The following RBFOX1 variants were observed in gnomAD, a reference collection of about 807,000 sequenced individuals.
RBFOX1 encodes RNA binding protein fox-1 homolog 1.
Under a neutral mutation model 57.7 loss-of-function variants are expected in RBFOX1, and 8 were observed. That is an observed-to-expected ratio of 0.14 (90% CI 0.08 to 0.25). The LOEUF (loss-of-function observed/expected upper bound fraction) is 0.25. RBFOX1 is among the 10% of genes least tolerant of loss of function. The pLI is 1.00. For synonymous variants in RBFOX1, 326 were observed against 222.4 expected (o/e 1.47, Z -4.15); for missense variants, 611 against 548.5 (o/e 1.11, Z -1.14).
intron 2 of RBFOX1, among the ~76,000 whole-genome samples, chr16:6,387,709 G>T (rs980680864): frequency 6.6e-6 from 1 of 152,000 alleles, no homozygotes; most frequent in Admixed American, 6.6e-5. Flanking sequence ...TTTGTTTTGA[G>T]GGTGTATAGT....
intron 4 of RBFOX1, among the ~76,000 whole-genome samples, chr16:7,364,199 A>G (rs1017632358): frequency 2.0e-5 from 3 of 152,166 alleles, no homozygotes; most frequent in African/African-American, 7.2e-5. Flanking sequence ...TGTCTGTTAC[A>G]TCAGTACCTT....
At chr16:7,482,380 C>A (rs955631874) in intron 4 of RBFOX1, among the ~76,000 whole-genome samples, 4 of 152,116 alleles carry the variant, frequency 2.6e-5, no homozygotes, top group Non-Finnish European at 5.9e-5. Flanking sequence ...GTCCGCACAG[C>A]TGACAGTGAT....
chr16:5,548,170 A>ATATATATATATATAT (rs1317008346), intron 2 of RBFOX1, among the ~76,000 whole-genome samples: 88 of 40,538 alleles, frequency 2.2e-3, no homozygotes, highest in South Asian at 6.2e-3. Flanking sequence ...AAAAAAAAAA[A>ATATATATATATATAT]AAAAATATAT....
chr16:5,861,606 A>G (rs139204555), intron 3 of RBFOX1, among the ~76,000 whole-genome samples: 2 of 152,306 alleles, frequency 1.3e-5, no homozygotes, highest in African/African-American at 2.4e-5. Flanking sequence ...TGTAGCTTAG[A>G]TATCCTTGAC....
At chr16:6,430,691 G>C (rs549328949) in intron 2 of RBFOX1, among the ~76,000 whole-genome samples, 1 of 152,036 alleles carries the variant, frequency 6.6e-6, no homozygotes, top group South Asian at 2.1e-4. Context: ...ATGCTGTGAT[G>C]GGAAGTTTAG....
intron 1 of RBFOX1, among the ~76,000 whole-genome samples, chr16:6,065,165 C>G (rs900752335): frequency 2.0e-5 from 3 of 151,138 alleles, no homozygotes; most frequent in Non-Finnish European, 2.9e-5. Context: ...GTGGCTGAGA[C>G]TACAGGTGTG....
At chr16:6,088,414 T>G (rs902872723) in intron 1 of RBFOX1, among the ~76,000 whole-genome samples, 20 of 152,212 alleles carry the variant, frequency 1.3e-4, no homozygotes, top group African/African-American at 4.6e-4. Context: ...AGGTGAAATT[T>G]TCTAGCTGAA....
At chr16:6,539,153 A>G (rs992943240) in intron 2 of RBFOX1, among the ~76,000 whole-genome samples, 1 of 151,804 alleles carries the variant, frequency 6.6e-6, no homozygotes, top group African/African-American at 2.4e-5. Context: ...TGCCCATGGT[A>G]TGACTGTTCT....
At chr16:7,643,355 A>C (rs1374749051) in intron 11 of RBFOX1, among the ~76,000 whole-genome samples, 2 of 152,232 alleles carry the variant, frequency 1.3e-5, no homozygotes, top group African/African-American at 4.8e-5. Context: ...CACAAAAAGA[A>C]GACTTATTTC....
intron 3 of RBFOX1, among the ~76,000 whole-genome samples, chr16:5,699,202 G>A (rs1172928748): frequency 6.6e-6 from 1 of 151,840 alleles, no homozygotes; most frequent in Non-Finnish European, 1.5e-5. Context: ...TGGCCAGGCT[G>A]GTCTTGAATT....
intron 4 of RBFOX1, among the ~76,000 whole-genome samples, chr16:7,452,421 A>G (rs2057540881): frequency 1.3e-5 from 2 of 152,334 alleles, no homozygotes; most frequent in South Asian, 2.1e-4. Flanking sequence ...CAGTTGCTTC[A>G]TATTCCATGA....
At chr16:6,839,931 G>C (rs2093365122) in intron 3 of RBFOX1, among the ~76,000 whole-genome samples, 2 of 152,012 alleles carry the variant, frequency 1.3e-5, no homozygotes. Context: ...ATGTATATTT[G>C]CTTTAACGTA....
At chr16:7,443,080 G>C (rs547218961) in intron 4 of RBFOX1, among the ~76,000 whole-genome samples, 1 of 152,170 alleles carries the variant, frequency 6.6e-6, no homozygotes, top group African/African-American at 2.4e-5. Context: ...TTACCCTTCA[G>C]TTGCACGAGA....
At chr16:7,599,663 T>TTTTTA (rs2094907887) in intron 9 of RBFOX1, among the ~76,000 whole-genome samples, 3 of 147,022 alleles carry the variant, frequency 2.0e-5, no homozygotes, top group Non-Finnish European at 3.0e-5. Flanking sequence ...TTTTTTTTTT[T>TTTTTA]GAGACAGGGT....
At chr16:6,175,084 C>T (rs989155310) in intron 1 of RBFOX1, among the ~76,000 whole-genome samples, 1 of 152,126 alleles carries the variant, frequency 6.6e-6, no homozygotes, top group Middle Eastern at 3.2e-3. Context: ...AATGAGTTAT[C>T]ACAGTGTAAG....
At chr16:7,131,715 A>G (rs2070460048) in intron 4 of RBFOX1, among the ~76,000 whole-genome samples, 1 of 151,954 alleles carries the variant, frequency 6.6e-6, no homozygotes, top group African/African-American at 2.4e-5. Flanking sequence ...GCATAACCGC[A>G]TACATCTGAC....
Position 7,711,001 on chromosome 16 carries a change from G to A in RBFOX1, c.*256G>A, listed in dbSNP as rs373833566. The A allele has an allele frequency of 1.8e-4, 67 of 374,138 alleles. No homozygotes were observed. The highest frequency in any genetic ancestry group is 1.0e-3 in the African/African-American group (48 of 47,810). 23.2% of individuals were successfully genotyped at this position (374,138 alleles called of 1,614,324 possible). ...TGTAGGAGTTTTTGTGGTTGATCTA[G>A]ACAGATGCTAGATAATGAATAAAAA... is the stretch of plus-strand genomic sequence containing the variant. On this transcript the variant is annotated 3_prime_UTR_variant, in exon 16 of 16. Coordinates refer to ENST00000550418, the MANE Select transcript of RBFOX1 (RefSeq NM_018723.4).
intron 4 of RBFOX1, among the ~76,000 whole-genome samples, chr16:7,289,220 G>A (rs1311427193): frequency 6.6e-6 from 1 of 152,162 alleles, no homozygotes; most frequent in African/African-American, 2.4e-5. Flanking sequence ...CTAGAGTTGA[G>A]AGAGAAAGCA....
At chr16:6,186,072 G>A (rs1033076228) in intron 1 of RBFOX1, among the ~76,000 whole-genome samples, 1 of 152,110 alleles carries the variant, frequency 6.6e-6, no homozygotes, top group Non-Finnish European at 1.5e-5. Flanking sequence ...TTGTCCAGAG[G>A]ATTTGAAAAA....
Sources: gnomAD v4.1 joint callset for allele counts (sites outside exome capture counted in the v4.1 genomes callset) on GRCh38, gnomAD v4.1.1 for gene constraint, MANE v1.5 for transcripts, NCBI Gene and HGNC (gene_info 2026-07-23, HGNC 2026-07-21) for gene names.